ADAM23: variants seen among roughly 807,000 people sequenced by gnomAD.
ADAM23 encodes the protein disintegrin and metalloproteinase domain-containing protein 23.
Under a neutral mutation model 120.1 loss-of-function variants are expected in ADAM23, and 33 were observed. The ratio of observed to expected loss-of-function variants is 0.27; its 90% CI spans 0.21 to 0.37. The LOEUF (loss-of-function observed/expected upper bound fraction) is 0.37. Among genes scored for constraint, ADAM23 ranks in the 10% least tolerant of loss-of-function variants. The pLI, the probability that ADAM23 is intolerant of heterozygous loss-of-function variation, is 1.00. For synonymous variants in ADAM23, 367 were observed against 375.2 expected, an observed-to-expected ratio of 0.98 and a Z score of 0.25; for missense variants, 862 against 1,058.2, an observed-to-expected ratio of 0.81 and a Z score of 2.57.
chr2:206,446,408 T>C (rs1366260432), intron 2 of ADAM23, among the ~76,000 whole-genome samples: 1 of 152,256 alleles, frequency 6.6e-6, no homozygotes, highest in Non-Finnish European at 1.5e-5. Flanking sequence ...CATTTTGATC[T>C]GTACTTGTTC....
intron 10 of ADAM23, among the ~76,000 whole-genome samples, chr2:206,558,888 C>G (rs893786397): frequency 2.0e-5 from 3 of 152,030 alleles, no homozygotes; most frequent in Non-Finnish European, 4.4e-5. Flanking sequence ...TGGTGTTCCC[C>G]TTCTTCAGTG....
In ADAM23 at chr2:206,543,287, A is replaced by G; in HGVS notation, c.691A>G (p.Ile231Val). The change falls in exon 6 of 26, where the codon ATA (isoleucine) becomes GTA (valine). Residue 231 changes from isoleucine to valine, a missense_variant. This residue lies in a region of ADAM23 where 617 missense variants were observed against 813.5 expected (regional missense o/e 0.76). Transcript: ENST00000264377. ...TGAAGATGATACCTTCGTGTATATG[A>G]TAGAGCCACTAGAGCTGGTTCATGA... ...MFEDDTFVYM[I>V]EPLELVHDEK... The G allele has an allele frequency of 3.1e-6, 5 of 1,614,048 alleles. No homozygotes were observed. Among genetic ancestry groups the G allele is most frequent in the Non-Finnish European group, 8.5e-7 (1 of 1,179,978 alleles).
At chr2:206,598,092 A>G (rs1232426053) in intron 24 of ADAM23, among the ~76,000 whole-genome samples, 1 of 152,158 alleles carries the variant, frequency 6.6e-6, no homozygotes, top group Non-Finnish European at 1.5e-5. Flanking sequence ...GTTACTTTAA[A>G]ACTAGAACAA....
At chr2:206,521,397 CTTAA>C (rs1696839694) in intron 3 of ADAM23, among the ~76,000 whole-genome samples, 1 of 151,980 alleles carries the variant, frequency 6.6e-6, no homozygotes, top group South Asian at 2.1e-4. Context: ...GAAATTAGTC[CTTAA>C]TTAAATAATT....
At chr2:206,511,782 G>A (rs936240124) in intron 3 of ADAM23, among the ~76,000 whole-genome samples, 1 of 152,196 alleles carries the variant, frequency 6.6e-6, no homozygotes, top group African/African-American at 2.4e-5. Flanking sequence ...TAGGGAATGT[G>A]TAGTAATTTT....
At chr2:206,593,152 C>T (rs549521207) in intron 22 of ADAM23, among the ~76,000 whole-genome samples, 59 of 152,194 alleles carry the variant, frequency 3.9e-4, no homozygotes, top group Non-Finnish European at 6.5e-4. Flanking sequence ...GATGGCTTAA[C>T]AAATACCTAA....
At chr2:206,471,211 A>G (rs1262445358) in intron 2 of ADAM23, among the ~76,000 whole-genome samples, 5 of 152,202 alleles carry the variant, frequency 3.3e-5, no homozygotes, top group Non-Finnish European at 7.3e-5. Context: ...AATCTACTCT[A>G]TATCATTTAT....
At chr2:206,528,100 A>G (rs1454767894) in intron 3 of ADAM23, among the ~76,000 whole-genome samples, 1 of 152,194 alleles carries the variant, frequency 6.6e-6, no homozygotes, top group African/African-American at 2.4e-5. Flanking sequence ...CAACTCTTAG[A>G]TGTGCTCCAA....
chr2:206,562,961 G>A (rs2081289), intron 13 of ADAM23, among the ~76,000 whole-genome samples: 118,122 of 152,172 alleles, frequency 0.78, 46,138 homozygotes, highest in African/African-American at 0.83. Context: ...AGACAGGGCT[G>A]ATTTTCTAGT....
intron 2 of ADAM23, among the ~76,000 whole-genome samples, chr2:206,469,133 TG>T (rs977694796): frequency 6.6e-6 from 1 of 152,184 alleles, no homozygotes; most frequent in Admixed American, 6.5e-5. Context: ...GAGATTTGGG[TG>T]GGGTACAGGT....
At chr2:206,493,587 G>A (rs755427078) in intron 3 of ADAM23, among the ~76,000 whole-genome samples, 8 of 152,178 alleles carry the variant, frequency 5.3e-5, no homozygotes, top group Non-Finnish European at 1.2e-4. Flanking sequence ...TGGCCAGGCT[G>A]GTCTCGAACT....
chr2:206,512,754 C>T (rs570217578), intron 3 of ADAM23, among the ~76,000 whole-genome samples: 1 of 152,240 alleles, frequency 6.6e-6, no homozygotes, highest in Admixed American at 6.5e-5. Context: ...TTGTGCTTTG[C>T]AGATATTGTG....
rs553268616 is a variant in ADAM23, at chr2:206,484,596, A to G, written c.509+3288A>G. Among the ~76,000 whole-genome samples, 748 of 152,284 alleles carry G rather than the reference A, an allele frequency of 4.9e-3. 2 individuals carry two copies. The highest frequency in any genetic ancestry group is 0.014 in the Middle Eastern group (4 of 294). On this transcript the variant is annotated intron_variant, in intron 3 of 25. Transcript: ENST00000264377. ...TCATGAATAACTTGCATAGTTAAGT[A>G]TCAGGATCCAGTCTGGGTTAGAAGG...
At chr2:206,472,426 AT>A (rs1229796533) in intron 2 of ADAM23, among the ~76,000 whole-genome samples, 1 of 151,866 alleles carries the variant, frequency 6.6e-6, no homozygotes, top group Non-Finnish European at 1.5e-5. Context: ...CCTGGCCAAT[AT>A]GGTGAAACCC....
At chr2:206,599,335 T>G (rs1192343435) in intron 24 of ADAM23, among the ~76,000 whole-genome samples, 1 of 152,174 alleles carries the variant, frequency 6.6e-6, no homozygotes, top group African/African-American at 2.4e-5. Flanking sequence ...ATTAAAAACC[T>G]TATGAATCTC....
chr2:206,615,367 C>T (rs537810183), intron 25 of ADAM23, among the ~76,000 whole-genome samples: 17 of 152,226 alleles, frequency 1.1e-4, no homozygotes, highest in Middle Eastern at 3.4e-3. Flanking sequence ...CAGAGGAAAC[C>T]GTTATGAAGA....
intron 9 of ADAM23, among the ~76,000 whole-genome samples, chr2:206,554,353 A>C (rs1697595572): frequency 6.6e-6 from 1 of 152,176 alleles, no homozygotes; most frequent in African/African-American, 2.4e-5. Context: ...GAGCTGCTTA[A>C]GTTAAAAATA....
At chr2:206,533,424 C>G (rs1218301947) in intron 4 of ADAM23, among the ~76,000 whole-genome samples, 1 of 152,102 alleles carries the variant, frequency 6.6e-6, no homozygotes, top group Non-Finnish European at 1.5e-5. Flanking sequence ...AGGCTGGTCT[C>G]GAACTGCTGA....
chr2:206,530,865 C>A lies in ADAM23; in HGVS notation c.510-20C>A, dbSNP rs763391737. 44 of 1,609,104 alleles carry A rather than the reference C, an allele frequency of 2.7e-5. No homozygotes were observed. Among genetic ancestry groups the A allele is most frequent in the Non-Finnish European group, 3.7e-5 (44 of 1,176,726 alleles). ...AAGTGTCTTAGATGCAGAAATCACT[C>A]TATTTTCTTTCCTTTGTAGTGGTTT... On this transcript the variant is annotated intron_variant, in intron 3 of 25. Transcript: ENST00000264377.
Sources: allele counts gnomAD v4.1 joint callset (sites outside exome capture counted in the v4.1 genomes callset), GRCh38; gene constraint gnomAD v4.1.1; regional missense constraint gnomAD v4.1.1; transcripts MANE v1.5; gene names NCBI Gene and HGNC (gene_info 2026-07-23, HGNC 2026-07-21).